The following ATF7 variants were observed in gnomAD, a reference collection of about 807,000 sequenced individuals.
The protein encoded by ATF7 is activating transcription factor 7.
ATF7 carries 10 observed loss-of-function variants against 50.4 expected under a neutral mutation model. That is an observed-to-expected ratio of 0.20 (90% CI 0.12 to 0.34). The LOEUF (loss-of-function observed/expected upper bound fraction) is 0.34. Among genes scored for constraint, ATF7 ranks in the 10% least tolerant of loss-of-function variants. ATF7 has a pLI of 1.00. For synonymous variants in ATF7, 201 were observed against 226.4 expected, an observed-to-expected ratio of 0.89 and a Z score of 1.01; for missense variants, 465 against 613.9, an observed-to-expected ratio of 0.76 and a Z score of 2.56.
intron 2 of ATF7, among the ~76,000 whole-genome samples, chr12:53,583,528 G>T (rs1942533372): frequency 6.6e-6 from 1 of 151,774 alleles, no homozygotes; most frequent in Non-Finnish European, 1.5e-5. Context: ...CACAATAAAT[G>T]TAATTTGCTT....
chr12:53,559,408 G>A (rs1940955935), intron 2 of ATF7, among the ~76,000 whole-genome samples: 2 of 151,916 alleles, frequency 1.3e-5, no homozygotes, highest in Admixed American at 1.3e-4. Flanking sequence ...GCTGGGTGCA[G>A]TGGCTCACAT....
At chr12:53,555,704 T>A (rs1490156329) in intron 2 of ATF7, among the ~76,000 whole-genome samples, 1 of 151,942 alleles carries the variant, frequency 6.6e-6, no homozygotes, top group Non-Finnish European at 1.5e-5. Flanking sequence ...GAGAAGGGGT[T>A]TCTACATGTT....
At chr12:53,543,214 C>T (rs1457042593) in intron 4 of ATF7, 116 bp downstream of exon 4, 11 of 1,548,708 alleles carry the variant, frequency 7.1e-6, no homozygotes, top group East Asian at 2.4e-5. Flanking sequence ...ACTGGTTTTA[C>T]TCTACTAAGC....
chr12:53,582,662 T>C (rs1313063606), intron 2 of ATF7, among the ~76,000 whole-genome samples: 1 of 152,204 alleles, frequency 6.6e-6, no homozygotes, highest in Non-Finnish European at 1.5e-5. Context: ...CACTGCAAGC[T>C]CCGCCTCCTG....
In ATF7 at chr12:53,524,940, T is replaced by TC; in HGVS notation, c.928-180dup. On this transcript the variant is annotated intron_variant, in intron 9 of 11. Transcript: ENST00000420353. The surrounding 1 kb of genome is among the most constrained non-coding windows in gnomAD (Gnocchi z 4.6). ...TTTTGTAGGAGTCCTCAATTTTGCC[T>TC]CCTATTTCCTTCCAGTCTTCTCAGT... is the stretch of plus-strand genomic sequence containing the variant. 1 of 579,454 alleles carries TC rather than the reference T, an allele frequency of 1.7e-6. No individual in the cohort carries two copies. Among genetic ancestry groups the TC allele is most frequent in the East Asian group, 3.1e-5 (1 of 32,720 alleles). 35.9% of individuals were successfully genotyped at this position (579,454 alleles called of 1,614,324 possible).
chr12:53,589,775 A>C (rs1942866743), intron 2 of ATF7, among the ~76,000 whole-genome samples: 1 of 152,210 alleles, frequency 6.6e-6, no homozygotes, highest in Non-Finnish European at 1.5e-5. Context: ...CTAGAACTAC[A>C]GAAATCAGTA....
At chr12:53,536,572 T>C (rs1478172488) in intron 5 of ATF7, among the ~76,000 whole-genome samples, 2 of 151,292 alleles carry the variant, frequency 1.3e-5, no homozygotes, top group East Asian at 4.0e-4. Context: ...CCACCGTGCC[T>C]GACTGATTTT....
intron 2 of ATF7, among the ~76,000 whole-genome samples, chr12:53,580,536 T>C (rs1294137587): frequency 2.0e-5 from 3 of 149,598 alleles, no homozygotes; most frequent in South Asian, 2.1e-4. Flanking sequence ...TGGTGGCGGG[T>C]GCCTGTAGTC....
At chr12:53,563,061 G>A (rs981679758) in intron 2 of ATF7, among the ~76,000 whole-genome samples, 3 of 152,086 alleles carry the variant, frequency 2.0e-5, no homozygotes, top group Admixed American at 2.0e-4. Flanking sequence ...GATCTGCGAA[G>A]TCTATTTATT....
Position 53,514,709 on chromosome 12 carries a change from G to T in ATF7, c.*2428C>A, listed in dbSNP as rs375666905. The T allele has an allele frequency of 7.3e-4, 111 of 152,204 alleles. 2 individuals carry two copies. The highest frequency in any genetic ancestry group is 2.6e-3 in the African/African-American group (107 of 41,516). 9.4% of individuals were successfully genotyped at this position (152,204 alleles called of 1,614,324 possible). On this transcript the variant is annotated 3_prime_UTR_variant, in exon 12 of 12. Transcript: ENST00000420353. Reference sequence around the variant, plus strand: ...GTTAGGACTAGATAATTAGTCATGGGGGCTAAGAAATAAAAAAGACCCGCT... The same window carrying T: ...GTTAGGACTAGATAATTAGTCATGGTGGCTAAGAAATAAAAAAGACCCGCT...
At chr12:53,577,729 AAAGAAAG>A (rs1478539377) in intron 2 of ATF7, among the ~76,000 whole-genome samples, 2 of 105,758 alleles carry the variant, frequency 1.9e-5, no homozygotes, top group African/African-American at 9.1e-5. Flanking sequence ...AAAAAAAAAA[AAAGAAAG>A]AAAGAAAGAA....
chr12:53,529,734 C>CATAT (rs71444809), intron 9 of ATF7, among the ~76,000 whole-genome samples: 54 of 143,452 alleles, frequency 3.8e-4, no homozygotes, highest in African/African-American at 8.4e-4. Flanking sequence ...CACACACACA[C>CATAT]ATATATATAT....
At chr12:53,587,830 TATATATATATATA>T (rs1942765580) in intron 2 of ATF7, among the ~76,000 whole-genome samples, 1 of 43,708 alleles carries the variant, frequency 2.3e-5, no homozygotes, top group Non-Finnish European at 5.3e-5. Flanking sequence ...CATATATATA[TATATATATATATA>T]TTTTTTTTTT....
At chr12:53,591,769 T>A (rs1389949937) in intron 2 of ATF7, among the ~76,000 whole-genome samples, 1 of 152,192 alleles carries the variant, frequency 6.6e-6, no homozygotes, top group Non-Finnish European at 1.5e-5. Context: ...AAATGGCTCT[T>A]TGAGAGACCA....
At chr12:53,538,542 A>G (rs925411447) in intron 4 of ATF7, among the ~76,000 whole-genome samples, 12 of 152,184 alleles carry the variant, frequency 7.9e-5, no homozygotes, top group African/African-American at 2.9e-4. Context: ...CAGTGATGCA[A>G]TCACCTCACA....
At chr12:53,517,904 G>A (rs758623033) in intron 11 of ATF7, among the ~76,000 whole-genome samples, 5 of 151,848 alleles carry the variant, frequency 3.3e-5, no homozygotes, top group African/African-American at 4.8e-5. Flanking sequence ...TTGCTCTGTT[G>A]CCCAGGCTGG....
At chr12:53,622,216 C>G (rs546570978) in intron 1 of ATF7, among the ~76,000 whole-genome samples, 2 of 151,816 alleles carry the variant, frequency 1.3e-5, no homozygotes, top group Non-Finnish European at 2.9e-5. Flanking sequence ...GGACAAGAAT[C>G]GCTTGAAACC....
At chr12:53,530,829 G>A (rs904728456) in intron 9 of ATF7, among the ~76,000 whole-genome samples, 2 of 151,884 alleles carry the variant, frequency 1.3e-5, no homozygotes, top group African/African-American at 4.8e-5. Context: ...GGCTGGTCTT[G>A]ATCTCCTGAC....
Position 53,552,522 on chromosome 12 carries a change from C to T in ATF7, c.145+19G>A. 6.2e-7 allele frequency: 1 copy of T among 1,603,642 alleles called. No individual in the cohort carries two copies. Among genetic ancestry groups the T allele is most frequent in the Non-Finnish European group, 8.5e-7 (1 of 1,170,690 alleles). ...TGCCTGGTGGTATCAAGGCACGTGG[C>T]TTTTGGGGCAGCAAATACCTGCAAT... On this transcript the variant is annotated intron_variant, in intron 3 of 11. Coordinates refer to ENST00000420353, the MANE Select transcript of ATF7 (RefSeq NM_006856.3).
Sources: allele counts gnomAD v4.1 joint callset (sites outside exome capture counted in the v4.1 genomes callset), GRCh38; gene constraint gnomAD v4.1.1; non-coding constraint Gnocchi (gnomAD v3.1); transcripts MANE v1.5; gene names NCBI Gene and HGNC (gene_info 2026-07-23, HGNC 2026-07-21).